Variants in CACNA1E observed in about 807,000 individuals in gnomAD.
CACNA1E encodes the protein voltage-dependent R-type calcium channel subunit alpha-1E.
A neutral mutation model predicts 259.2 loss-of-function variants in CACNA1E; 40 were observed. The observed-to-expected ratio is 0.15, with a 90% confidence interval of 0.12 to 0.20. CACNA1E has a LOEUF of 0.20. CACNA1E is among the 10% of genes least tolerant of loss of function. The pLI is 1.00. For synonymous variants in CACNA1E, 1,104 were observed against 1,138.5 expected (o/e 0.97, Z 0.61); for missense variants, 1,874 against 3,040.1 (o/e 0.62, Z 9.02).
intron 2 of CACNA1E, among the ~76,000 whole-genome samples, chr1:181,459,277 AAGG>A (rs1271341234): frequency 1.3e-5 from 2 of 152,272 alleles, no homozygotes; most frequent in African/African-American, 2.4e-5. Context: ...GAGAAACCTC[AAGG>A]AGGGCAGTTG....
chr1:181,487,489 A>C (rs544652718), intron 1 of CACNA1E, among the ~76,000 whole-genome samples: 1 of 152,340 alleles, frequency 6.6e-6, no homozygotes, highest in African/African-American at 2.4e-5. Context: ...CTACATCTGC[A>C]TAGGGAGATA....
Position 181,725,862 on chromosome 1 carries a change from T to C in CACNA1E, c.2143-203T>C, listed in dbSNP as rs924931406. Among the ~76,000 whole-genome samples the C allele has an allele frequency of 5.3e-5, 8 of 152,240 alleles. No individual in the cohort carries two copies. In the East Asian group the frequency reaches 1.5e-3, roughly 29 times the overall value. On this transcript the variant is annotated intron_variant, in intron 17 of 47. Coordinates refer to ENST00000367573, the MANE Select transcript of CACNA1E (RefSeq NM_001205293.3). ...GGGATTGCTGGCCACGCTATAGCTG[T>C]GAGACTACTGACTCCCAAGGGGCCT...
At chr1:181,603,911 C>A (rs536811845) in intron 6 of CACNA1E, among the ~76,000 whole-genome samples, 1 of 152,312 alleles carries the variant, frequency 6.6e-6, no homozygotes, top group East Asian at 1.9e-4. Flanking sequence ...TGTGCAGCTG[C>A]CGCCGAGCTG....
intron 26 of CACNA1E, among the ~76,000 whole-genome samples, 178 bp downstream of exon 26, chr1:181,750,665 T>C (rs1417124435): frequency 6.6e-6 from 1 of 152,220 alleles, no homozygotes; most frequent in Non-Finnish European, 1.5e-5. Context: ...GTCATTCTTA[T>C]TGGTTTGGAT....
At chr1:181,343,361 G>A (rs1236620306) in intron 1 of CACNA1E, among the ~76,000 whole-genome samples, 1 of 152,104 alleles carries the variant, frequency 6.6e-6, no homozygotes, top group East Asian at 1.9e-4. Flanking sequence ...GAGCAGCTTA[G>A]TGCTGTCCTC....
chr1:181,331,367 C>T (rs1399226111), intron 1 of CACNA1E, among the ~76,000 whole-genome samples: 2 of 152,152 alleles, frequency 1.3e-5, no homozygotes, highest in African/African-American at 2.4e-5. Flanking sequence ...AGTAACATGG[C>T]TCAGTCCAAA....
At chr1:181,511,648 T>G in intron 3 of CACNA1E, 138 bp downstream of exon 3, 5 of 962,824 alleles carry the variant, frequency 5.2e-6, no homozygotes, top group Non-Finnish European at 4.8e-6. Context: ...AAGGCTAAGA[T>G]TCCCCAGGGT....
At chr1:181,333,936 G>A (rs992913664) in intron 1 of CACNA1E, among the ~76,000 whole-genome samples, 13 of 152,190 alleles carry the variant, frequency 8.5e-5, no homozygotes, top group East Asian at 1.9e-4. Context: ...ATTTACAGGC[G>A]TGAGCCACTA....
chr1:181,626,725 A>G (rs759763069), intron 6 of CACNA1E, among the ~76,000 whole-genome samples: 1 of 152,242 alleles, frequency 6.6e-6, no homozygotes. Context: ...GTAAAGCTCT[A>G]TGAATTTATG....
At position 181,711,062 on chromosome 1, in the gene CACNA1E, C is replaced by T; in HGVS notation, c.1164C>T (p.Asp388=). The T allele has an allele frequency of 6.2e-7, 1 of 1,612,132 alleles. No homozygotes were observed. The highest frequency in any genetic ancestry group is 8.5e-7 in the Non-Finnish European group (1 of 1,178,308). The part of the protein sequence containing the change: ...RELNGYRAWI[D]KAEEVMLAEE... ...TGAATGGCTACCGTGCCTGGATAGACAAAGCAGGTAGGCCTGGGGGGCTGC... is the reference window on the plus strand; with the variant it reads ...TGAATGGCTACCGTGCCTGGATAGATAAAGCAGGTAGGCCTGGGGGGCTGC... The change falls in exon 8 of 48, where the codon GAC becomes GAT. Residue 388 remains aspartate, a synonymous_variant. Coordinates refer to ENST00000367573, the MANE Select transcript of CACNA1E (RefSeq NM_001205293.3).
chr1:181,650,604 CTTTG>C (rs750038658), intron 6 of CACNA1E, among the ~76,000 whole-genome samples: 6 of 152,178 alleles, frequency 3.9e-5, no homozygotes, highest in Non-Finnish European at 7.3e-5. Context: ...AGAATTGCTT[CTTTG>C]TTTAAGTCAT....
At position 181,751,908 on chromosome 1, in the gene CACNA1E, C is replaced by A. The variant is rs1017393124; in HGVS notation, c.3732-235C>A. 3.1e-5 allele frequency: 20 copies of A among 653,632 alleles called. No homozygotes were observed. In the African/African-American group the frequency reaches 3.4e-4, roughly 11 times the overall value. 40.5% of individuals were successfully genotyped at this position (653,632 alleles called of 1,614,324 possible). On this transcript the variant is annotated intron_variant, in intron 26 of 47. Transcript: ENST00000367573. ...CTGTGTGTGTATATATGAGTGTGTACGTGCATGTGGATGTGTGTTCATGCG... is the reference window on the plus strand; with the variant it reads ...CTGTGTGTGTATATATGAGTGTGTAAGTGCATGTGGATGTGTGTTCATGCG...
chr1:181,370,162 A>T (rs1285183374), intron 1 of CACNA1E, among the ~76,000 whole-genome samples: 2 of 152,200 alleles, frequency 1.3e-5, no homozygotes, highest in African/African-American at 4.8e-5. Context: ...AACCCTGAAA[A>T]GCTGCATTCC....
chr1:181,718,623 C>T (rs571201610), intron 12 of CACNA1E, among the ~76,000 whole-genome samples: 232 of 139,066 alleles, frequency 1.7e-3, no homozygotes, highest in African/African-American at 6.5e-3. Flanking sequence ...CACACACACA[C>T]ACACACACAC....
intron 35 of CACNA1E, among the ~76,000 whole-genome samples, chr1:181,767,024 G>C (rs924187184): frequency 1.3e-5 from 2 of 152,180 alleles, no homozygotes; most frequent in Non-Finnish European, 2.9e-5. Context: ...AGTTCTTCCT[G>C]TATATGGTGA....
Position 181,425,471 on chromosome 1 carries a change from G to A in CACNA1E, c.434+11891G>A, listed in dbSNP as rs189874381. On this transcript the variant is annotated intron_variant, in intron 2 of 11. Transcript: ENST00000524607. ...GTGGAGGAGGTGAACATAATTGGAG[G>A]AATTCGCTTTGGCCTTTTTGGCTGA... is the stretch of plus-strand genomic sequence containing the variant. 2.4e-3 allele frequency among the ~76,000 whole-genome samples: 361 copies of A among 150,330 alleles called. 2 individuals carry two copies. The highest frequency in any genetic ancestry group is 3.3e-3 in the Non-Finnish European group (221 of 67,716).
chr1:181,686,034 C>T (rs973608516), intron 7 of CACNA1E, among the ~76,000 whole-genome samples: 1 of 152,060 alleles, frequency 6.6e-6, no homozygotes. Flanking sequence ...CACCCGCCCC[C>T]ACTCTCTGCC....
At chr1:181,372,562 C>T (rs575150510) in intron 1 of CACNA1E, among the ~76,000 whole-genome samples, 1 of 152,240 alleles carries the variant, frequency 6.6e-6, no homozygotes, top group East Asian at 1.9e-4. Flanking sequence ...GTTTGACTTC[C>T]TCTCTTCCTA....
intron 1 of CACNA1E, among the ~76,000 whole-genome samples, chr1:181,410,493 TA>T (rs1165393591): frequency 6.6e-6 from 1 of 152,166 alleles, no homozygotes; most frequent in Non-Finnish European, 1.5e-5. Context: ...AGGGGACGAA[TA>T]GAGAAGGTAT....
Sources: allele counts gnomAD v4.1 joint callset (sites outside exome capture counted in the v4.1 genomes callset), GRCh38; gene constraint gnomAD v4.1.1; transcripts MANE v1.5; gene names NCBI Gene and HGNC (gene_info 2026-07-23, HGNC 2026-07-21).